The following PDE1A variants were observed in gnomAD, a reference collection of about 807,000 sequenced individuals.
PDE1A encodes dual specificity calcium/calmodulin-dependent 3',5'-cyclic nucleotide phosphodiesterase 1A.
In PDE1A, 35 loss-of-function variants were observed where a neutral mutation model predicts 61.7. The ratio of observed to expected loss-of-function variants is 0.57; its 90% confidence interval spans 0.43 to 0.75. The LOEUF is 0.75. Ranked by LOEUF, PDE1A falls within the 30% of genes least tolerant of loss-of-function variation. PDE1A has a pLI of 0.00. For synonymous variants in PDE1A, 232 were observed against 213.2 expected (o/e 1.09, Z -0.77); for missense variants, 597 against 630.6 (o/e 0.95, Z 0.57).
At chr2:182,161,904 T>C (rs1215041245) in intron 13 of PDE1A, among the ~76,000 whole-genome samples, 1 of 152,154 alleles carries the variant, frequency 6.6e-6, no homozygotes, top group African/African-American at 2.4e-5. Flanking sequence ...TAAGTTTATT[T>C]GGCTGACTGG....
the PDE1A span, among the ~76,000 whole-genome samples, chr2:182,547,878 G>A: frequency 1.3e-5 from 2 of 152,176 alleles, no homozygotes. Flanking sequence ...TGAGAGGTTA[G>A]TACCTAGGAC....
At chr2:182,416,642 ATAAT>A (rs1314809352) in intron 1 of PDE1A, among the ~76,000 whole-genome samples, 1 of 152,242 alleles carries the variant, frequency 6.6e-6, no homozygotes, top group Non-Finnish European at 1.5e-5. Flanking sequence ...AAGAAAAGAA[ATAAT>A]TAAAGGAGGA....
chr2:182,157,961 T>C (rs1303172208), intron 13 of PDE1A, among the ~76,000 whole-genome samples: 1 of 152,240 alleles, frequency 6.6e-6, no homozygotes, highest in Non-Finnish European at 1.5e-5. Context: ...TATTCAGCTA[T>C]GCTTTAACCT....
chr2:182,470,180 G>C (rs1335625807), intron 2 of PDE1A, among the ~76,000 whole-genome samples: 1 of 151,862 alleles, frequency 6.6e-6, no homozygotes, highest in Non-Finnish European at 1.5e-5. Context: ...GTGAAGTGCA[G>C]TAAAGCCAAG....
chr2:182,224,291 A>G (rs1688964876), intron 6 of PDE1A, among the ~76,000 whole-genome samples: 1 of 151,928 alleles, frequency 6.6e-6, no homozygotes, highest in Admixed American at 6.6e-5. Flanking sequence ...TCTGAAATCA[A>G]TTACAGTTTG....
chr2:182,358,601 G>C (rs1699329394), intron 1 of PDE1A, among the ~76,000 whole-genome samples: 1 of 152,036 alleles, frequency 6.6e-6, no homozygotes, highest in Non-Finnish European at 1.5e-5. Flanking sequence ...TATTATAGTT[G>C]CATCTGTATC....
downstream of PDE1A, among the ~76,000 whole-genome samples, chr2:182,165,003 T>G (rs1441669574): frequency 6.6e-6 from 1 of 151,826 alleles, no homozygotes; most frequent in Non-Finnish European, 1.5e-5. Flanking sequence ...AATTCACTGG[T>G]CTTAGCATGT....
intron 1 of PDE1A, among the ~76,000 whole-genome samples, chr2:182,410,320 C>T (rs1335327496): frequency 6.6e-6 from 1 of 152,026 alleles, no homozygotes; most frequent in African/African-American, 2.4e-5. Flanking sequence ...TGAGTCATGA[C>T]CATGCTGCTG....
intron 2 of PDE1A, among the ~76,000 whole-genome samples, chr2:182,243,491 AAAT>A (rs1690717477): frequency 6.6e-6 from 1 of 152,192 alleles, no homozygotes; most frequent in Admixed American, 6.5e-5. Context: ...GAAGGAGGCC[AAAT>A]GTGGCTGGAG....
chr2:182,288,808 G>A (rs189350504), intron 1 of PDE1A, among the ~76,000 whole-genome samples: 8 of 152,034 alleles, frequency 5.3e-5, no homozygotes, highest in East Asian at 1.9e-4. Flanking sequence ...GCCCATTCCC[G>A]CTTGAGTACA....
At chr2:182,168,149 A>G (rs1691769418) in exon 14 of PDE1A, 1 of 1,494,900 alleles carries the variant, frequency 6.7e-7, no homozygotes, top group Admixed American at 2.6e-5. Flanking sequence ...CCTGTCTCAC[A>G]CAGGACAGGG....
At chr2:182,632,157 C>CAG in the PDE1A span, among the ~76,000 whole-genome samples, 3 of 151,908 alleles carry the variant, frequency 2.0e-5, no homozygotes, top group African/African-American at 7.2e-5. Flanking sequence ...CACCAAGAGA[C>CAG]AGAGAGAGAG....
chr2:182,542,923 G>A, the PDE1A span, among the ~76,000 whole-genome samples: 19 of 152,174 alleles, frequency 1.2e-4, no homozygotes, highest in Non-Finnish European at 2.6e-4. Flanking sequence ...CAATGATAAA[G>A]GAAATTAGAG....
intron 1 of PDE1A, among the ~76,000 whole-genome samples, chr2:182,394,991 G>A (rs1021859316): frequency 6.6e-6 from 1 of 152,236 alleles, no homozygotes; most frequent in Non-Finnish European, 1.5e-5. Context: ...GGTTCGTTGT[G>A]CAGAAGACAG....
At position 182,355,546 on chromosome 2, in the gene PDE1A, C is replaced by A. The variant is rs1699128430; in HGVS notation, c.53+71032G>T. On this transcript the variant is annotated intron_variant, in intron 1 of 13. Coordinates refer to ENST00000351439, the Ensembl canonical transcript of PDE1A. ...TTATTTATAAATAACTGGATTTTATCTCTATATGTTTTATGTAGCTATTAT... is the reference window on the plus strand; with the variant it reads ...TTATTTATAAATAACTGGATTTTATATCTATATGTTTTATGTAGCTATTAT... Among the ~76,000 whole-genome samples the A allele has an allele frequency of 3.3e-5, 5 of 152,114 alleles. No individual in the cohort carries two copies. The South Asian group carries it at 1.0e-3, about 32-fold the overall frequency.
chr2:182,336,032 G>A (rs1049894543), intron 1 of PDE1A, among the ~76,000 whole-genome samples: 1 of 152,074 alleles, frequency 6.6e-6, no homozygotes, highest in Admixed American at 6.6e-5. Flanking sequence ...CATCATCACT[G>A]GTCATTAGAG....
At chr2:182,468,085 T>C (rs960233575) in intron 2 of PDE1A, among the ~76,000 whole-genome samples, 2 of 152,032 alleles carry the variant, frequency 1.3e-5, no homozygotes, top group Admixed American at 1.3e-4. Flanking sequence ...TGATGGTTGC[T>C]GAGTGATCAG....
chr2:182,550,405 T>C, the PDE1A span, among the ~76,000 whole-genome samples: 1 of 152,180 alleles, frequency 6.6e-6, no homozygotes, highest in Non-Finnish European at 1.5e-5. Context: ...TCTGGGCAAC[T>C]ATTATACTTC....
rs73043817 is a variant in PDE1A at position 182,210,303 on chromosome 2, G to A, written c.777-4238C>T. On this transcript the variant is annotated intron_variant, in intron 7 of 13. Coordinates refer to ENST00000351439, the Ensembl canonical transcript of PDE1A. ...TGCTGCTCCATTCTCACCAGCTTTT[G>A]GTGTTGTTAGTGTTATGGATTTTGG... Among the ~76,000 whole-genome samples, 1,107 of 152,240 alleles carry A rather than the reference G, an allele frequency of 7.3e-3. 11 individuals are homozygous for A. Among genetic ancestry groups the A allele is most frequent in the African/African-American group, 0.024 (1,011 of 41,552 alleles).
Sources: gnomAD v4.1 joint callset for allele counts (sites outside exome capture counted in the v4.1 genomes callset) on GRCh38, gnomAD v4.1.1 for gene constraint, MANE v1.5 for transcripts, NCBI Gene and HGNC (gene_info 2026-07-23, HGNC 2026-07-21) for gene names.